Variants in PLSCR4 observed in about 807,000 individuals in gnomAD.
PLSCR4 encodes the protein phospholipid scramblase 4.
Under a neutral mutation model 36.3 loss-of-function variants are expected in PLSCR4, and 25 were observed. The ratio of observed to expected loss-of-function variants is 0.69; its 90% CI spans 0.50 to 0.96. PLSCR4 has a LOEUF of 0.96. Among genes scored for constraint, PLSCR4 ranks in the 40% least tolerant of loss-of-function variants. PLSCR4 has a pLI of 0.00. For synonymous variants in PLSCR4, 122 were observed against 132.9 expected, an observed-to-expected ratio of 0.92 and a Z score of 0.56; for missense variants, 408 against 414.7, an observed-to-expected ratio of 0.98 and a Z score of 0.14.
intron 7 of PLSCR4, 35 bp from the exon 8 acceptor site, chr3:146,195,317 A>G: frequency 6.5e-7 from 1 of 1,546,152 alleles, no homozygotes; most frequent in Non-Finnish European, 8.9e-7. Flanking sequence ...ATGATGATTG[A>G]AACGCATTGA....
At chr3:146,215,891 A>G (rs2034871798) in intron 3 of PLSCR4, among the ~76,000 whole-genome samples, 2 of 152,224 alleles carry the variant, frequency 1.3e-5, no homozygotes, top group African/African-American at 4.8e-5. Flanking sequence ...TCAAAGAGCA[A>G]TGCCACATAG....
chr3:146,202,366 G>C (rs908381166), intron 4 of PLSCR4, among the ~76,000 whole-genome samples: 7 of 152,024 alleles, frequency 4.6e-5, no homozygotes, highest in African/African-American at 1.7e-4. Context: ...TTTTCTTATT[G>C]AATCTAAAAT....
At chr3:146,244,951 A>C (rs1322122736) in intron 1 of PLSCR4, among the ~76,000 whole-genome samples, 1 of 152,066 alleles carries the variant, frequency 6.6e-6, no homozygotes, top group Non-Finnish European at 1.5e-5. Flanking sequence ...ACCACTAAGA[A>C]CTTTTGTTAT....
intron 2 of PLSCR4, 81 bp from the exon 3 acceptor site, chr3:146,221,006 G>A: frequency 4.0e-6 from 3 of 754,794 alleles, no homozygotes; most frequent in Non-Finnish European, 4.2e-6. Context: ...CTTTCTTATG[G>A]GAATGCATCA....
At chr3:146,230,838 G>A (rs2108319860) in intron 1 of PLSCR4, among the ~76,000 whole-genome samples, 1 of 152,218 alleles carries the variant, frequency 6.6e-6, no homozygotes, top group South Asian at 2.1e-4. Flanking sequence ...ATGTTTTAAT[G>A]GTGTAGTCCT....
In PLSCR4 at chr3:146,200,056, G is replaced by GT. The variant is rs769438708; in HGVS notation, c.398-18dup. The GT allele has an allele frequency of 5.7e-6, 8 of 1,392,520 alleles. No individual in the cohort carries two copies. The South Asian group carries it at 9.4e-5, about 16-fold the overall frequency. The allele number at this position is 1,392,520 out of a possible 1,614,324, so 86.3% of individuals were successfully genotyped here. ...ATGTCATCACTAAAAAATAAAATGAGTAAGTCTATATTAGAAACATTTAAA... is the reference window on the plus strand; with the variant it reads ...ATGTCATCACTAAAAAATAAAATGAGTTAAGTCTATATTAGAAACATTTAAA... On this transcript the variant is annotated splice_polypyrimidine_tract_variant and intron_variant, in intron 5 of 8. Coordinates refer to ENST00000354952, the MANE Select transcript of PLSCR4 (RefSeq NM_020353.3).
Position 146,201,036 on chromosome 3 carries a change from T to G in PLSCR4, c.396A>C (p.Glu132Asp). Residue 132 changes from glutamate (E) to aspartate (D), a missense_variant and splice_region_variant, in exon 5 of 9, where the codon GAA becomes GAC. By Grantham distance (45) the Glu-to-Asp change is conservative. Coordinates refer to ENST00000354952, the MANE Select transcript of PLSCR4 (RefSeq NM_020353.3). ...IHVLQHFEPLEMMTCFETNNR... is the reference protein window; with the variant it reads ...IHVLQHFEPLDMMTCFETNNR... ...GAGCACTACAAAAATTATACATACT[T>G]TCCAGAGGCTCAAAATGCTGAAGAA... The G allele has an allele frequency of 6.4e-7, 1 of 1,557,824 alleles. No homozygotes were observed. The highest frequency in any genetic ancestry group is 8.6e-7 in the Non-Finnish European group (1 of 1,156,754).
intron 1 of PLSCR4, among the ~76,000 whole-genome samples, chr3:146,244,008 C>T (rs115748659): frequency 0.017 from 2,569 of 152,190 alleles, 76 homozygotes; most frequent in African/African-American, 0.058. Context: ...TTACCCTGAA[C>T]GCATTCTCTT....
At chr3:146,195,661 T>G (rs553731871) in intron 7 of PLSCR4, among the ~76,000 whole-genome samples, 3 of 152,210 alleles carry the variant, frequency 2.0e-5, no homozygotes, top group Non-Finnish European at 2.9e-5. Context: ...TACTGTTCAC[T>G]TCACATCACT....
intron 1 of PLSCR4, among the ~76,000 whole-genome samples, chr3:146,229,477 A>C (rs1438737804): frequency 1.2e-4 from 18 of 151,978 alleles, no homozygotes; most frequent in Non-Finnish European, 1.5e-5. Flanking sequence ...TGGGAATGTG[A>C]TGAATCCTAA....
intron 8 of PLSCR4, among the ~76,000 whole-genome samples, chr3:146,194,825 TAAC>T (rs2033626202): frequency 6.6e-6 from 1 of 152,112 alleles, no homozygotes; most frequent in Non-Finnish European, 1.5e-5. Flanking sequence ...CAATGACAAA[TAAC>T]ATGCAATGAT....
At chr3:146,197,680 TTAATAA>T (rs1288250155) in intron 6 of PLSCR4, among the ~76,000 whole-genome samples, 1 of 152,152 alleles carries the variant, frequency 6.6e-6, no homozygotes, top group Admixed American at 6.6e-5. Context: ...ATCTTCCTGT[TTAATAA>T]TAATGAGTCA....
chr3:146,228,247 T>C (rs754861047), intron 1 of PLSCR4, among the ~76,000 whole-genome samples: 1 of 152,222 alleles, frequency 6.6e-6, no homozygotes, highest in Non-Finnish European at 1.5e-5. Flanking sequence ...TAGTAAGACA[T>C]ACTGATGAAG....
intron 2 of PLSCR4, among the ~76,000 whole-genome samples, chr3:146,221,754 T>TCTTTGCAGAACTG (rs1169357573): frequency 1.3e-5 from 2 of 152,170 alleles, no homozygotes; most frequent in Non-Finnish European, 2.9e-5. Context: ...CTACAACCTC[T>TCTTTGCAGAACTG]CTTTGCAGAA....
intron 3 of PLSCR4, among the ~76,000 whole-genome samples, chr3:146,209,670 T>C (rs2034522176): frequency 6.6e-6 from 1 of 152,094 alleles, no homozygotes; most frequent in Non-Finnish European, 1.5e-5. Flanking sequence ...TTGTTTCACT[T>C]TCCAAGTTTT....
rs747294702 is a variant in PLSCR4, at chr3:146,220,812, C to T, written c.118+3G>A. The T allele has an allele frequency of 1.4e-5, 22 of 1,551,508 alleles. No individual in the cohort carries two copies. Among genetic ancestry groups the T allele is most frequent in the Non-Finnish European group, 2.0e-5 (22 of 1,124,554 alleles). Reference sequence around the variant, plus strand: ...GAATATCTTTTATGAATATTTAACCCACCTGGTAAAAAATGAGAATTGTAT... The same window carrying T: ...GAATATCTTTTATGAATATTTAACCTACCTGGTAAAAAATGAGAATTGTAT... On this transcript the variant is annotated splice_donor_region_variant and intron_variant, in intron 3 of 8. Transcript: ENST00000354952.
At position 146,226,831 on chromosome 3, in the gene PLSCR4, A is replaced by G. The variant is rs1377435831; in HGVS notation, c.-21-4739T>C. Among the ~76,000 whole-genome samples, 4 of 152,256 alleles carry G rather than the reference A, an allele frequency of 2.6e-5. No individual in the cohort carries two copies. In the East Asian group the frequency reaches 7.7e-4, roughly 29 times the overall value. ...AATAAATAAAATTTTAGAAATATTT[A>G]AAGTATTACAAAGCAACTAATCTCA... On this transcript the variant is annotated intron_variant, in intron 1 of 8. Coordinates refer to ENST00000354952, the MANE Select transcript of PLSCR4 (RefSeq NM_020353.3).
chr3:146,211,873 G>A (rs537920106), intron 3 of PLSCR4, among the ~76,000 whole-genome samples: 1 of 152,158 alleles, frequency 6.6e-6, no homozygotes, highest in East Asian at 1.9e-4. Flanking sequence ...AGATGTTTGG[G>A]TTTATTTCTT....
At chr3:146,216,788 A>G (rs2034913017) in intron 3 of PLSCR4, among the ~76,000 whole-genome samples, 1 of 152,206 alleles carries the variant, frequency 6.6e-6, no homozygotes, top group Non-Finnish European at 1.5e-5. Flanking sequence ...CTGGATTGGC[A>G]TCTCTAGCTA....
Sources: gnomAD v4.1 joint callset for allele counts (sites outside exome capture counted in the v4.1 genomes callset) on GRCh38, gnomAD v4.1.1 for gene constraint, MANE v1.5 for transcripts, NCBI Gene and HGNC (gene_info 2026-07-23, HGNC 2026-07-21) for gene names.